Variants in SLC5A4 observed in about 807,000 individuals in gnomAD.
The protein encoded by SLC5A4 is probable glucose sensor protein SLC5A4.
SLC5A4 carries 55 observed loss-of-function variants against 70.3 expected under a neutral mutation model. The observed-to-expected ratio is 0.78, with a 90% CI of 0.63 to 0.98. The LOEUF (loss-of-function observed/expected upper bound fraction) is 0.98. SLC5A4 is among the 50% of genes least tolerant of loss of function. SLC5A4 has a pLI of 0.00. For synonymous variants in SLC5A4, 268 were observed against 305.7 expected, an observed-to-expected ratio of 0.88 and a Z score of 1.29; for missense variants, 735 against 839.2, an observed-to-expected ratio of 0.88 and a Z score of 1.53.
the SLC5A4 span, among the ~76,000 whole-genome samples, chr22:32,339,447 GCT>G: frequency 1.3e-5 from 2 of 152,192 alleles, no homozygotes; most frequent in Admixed American, 1.3e-4. Flanking sequence ...TCTGAACTCA[GCT>G]CTGATTCGAA....
chr22:32,300,076 T>C, the SLC5A4 span, among the ~76,000 whole-genome samples: 2 of 150,312 alleles, frequency 1.3e-5, no homozygotes, highest in Admixed American at 6.6e-5. Flanking sequence ...GACAGGGACA[T>C]TTAAGTCTGC....
At chr22:32,352,960 G>C in the SLC5A4 span, among the ~76,000 whole-genome samples, 1 of 152,242 alleles carries the variant, frequency 6.6e-6, no homozygotes, top group Non-Finnish European at 1.5e-5. Flanking sequence ...CCAGCCTCCA[G>C]CAGGCGGCTC....
chr22:32,290,236 C>T, the SLC5A4 span, among the ~76,000 whole-genome samples: 4 of 152,138 alleles, frequency 2.6e-5, no homozygotes, highest in South Asian at 2.1e-4. Context: ...TGTCCTAATG[C>T]TCTCCCTCCC....
At chr22:32,235,798 A>G (rs1391959376) in intron 7 of SLC5A4, among the ~76,000 whole-genome samples, 13 of 152,302 alleles carry the variant, frequency 8.5e-5, no homozygotes, top group Admixed American at 5.9e-4. Flanking sequence ...TCATCAGGGT[A>G]TTATACAATT....
the SLC5A4 span, among the ~76,000 whole-genome samples, chr22:32,278,565 T>A: frequency 6.6e-6 from 1 of 152,226 alleles, no homozygotes; most frequent in Non-Finnish European, 1.5e-5. Flanking sequence ...AAAATGGATC[T>A]TTAAGTTTTG....
chr22:32,268,080 C>T, the SLC5A4 span, among the ~76,000 whole-genome samples: 161 of 152,060 alleles, frequency 1.1e-3, no homozygotes, highest in Non-Finnish European at 1.7e-3. Context: ...GCCGAGATGG[C>T]GCCACTGCAC....
At chr22:32,220,526 T>C (rs1163938316) in intron 14 of SLC5A4, among the ~76,000 whole-genome samples, 2 of 152,166 alleles carry the variant, frequency 1.3e-5, no homozygotes, top group Non-Finnish European at 2.9e-5. Flanking sequence ...GCTTGGCGCA[T>C]GTGGAAAAGT....
At chr22:32,305,416 A>AT in the SLC5A4 span, among the ~76,000 whole-genome samples, 3 of 148,974 alleles carry the variant, frequency 2.0e-5, no homozygotes, top group African/African-American at 7.5e-5. Flanking sequence ...GATATATTTA[A>AT]CAAATTGTTG....
the SLC5A4 span, among the ~76,000 whole-genome samples, chr22:32,307,654 G>A: frequency 1.3e-4 from 20 of 152,290 alleles, no homozygotes; most frequent in East Asian, 3.7e-3. Flanking sequence ...TTGTTTGCAT[G>A]CACTGAAGCA....
chr22:32,271,353 C>T, the SLC5A4 span: 35 of 736,190 alleles, frequency 4.8e-5, no homozygotes, highest in Non-Finnish European at 8.3e-5. Context: ...GGAGGTGCTG[C>T]TGGTTGTGCT....
chr22:32,300,307 G>C, the SLC5A4 span, among the ~76,000 whole-genome samples: 67,674 of 145,430 alleles, frequency 0.47, 16,117 homozygotes, highest in Admixed American at 0.5. Context: ...TAGCAATCAG[G>C]GAGACTCCGT....
At chr22:32,242,757 A>G (rs1469056849) in intron 5 of SLC5A4, among the ~76,000 whole-genome samples, 1 of 152,230 alleles carries the variant, frequency 6.6e-6, no homozygotes, top group Non-Finnish European at 1.5e-5. Context: ...TGGTAAACCA[A>G]TGATAAATAG....
chr22:32,349,100 G>A, the SLC5A4 span, among the ~76,000 whole-genome samples: 13 of 152,052 alleles, frequency 8.5e-5, no homozygotes, highest in Non-Finnish European at 1.5e-4. Context: ...TCAGCCTCCC[G>A]AGTAGCTGGG....
At chr22:32,336,019 G>A in the SLC5A4 span, among the ~76,000 whole-genome samples, 1 of 152,150 alleles carries the variant, frequency 6.6e-6, no homozygotes, top group Admixed American at 6.5e-5. Flanking sequence ...AAGACCAGGG[G>A]TGAAATAGTG....
At chr22:32,230,476 G>A (rs932565099) in intron 10 of SLC5A4, among the ~76,000 whole-genome samples, 1 of 152,162 alleles carries the variant, frequency 6.6e-6, no homozygotes, top group Non-Finnish European at 1.5e-5. Flanking sequence ...TAGCACCAAA[G>A]CAGTGCCTGG....
chr22:32,339,388 AGGAGAG>A, the SLC5A4 span, among the ~76,000 whole-genome samples: 3 of 152,192 alleles, frequency 2.0e-5, no homozygotes, highest in Non-Finnish European at 4.4e-5. Context: ...ACTGAGACTC[AGGAGAG>A]CTACTGGCTT....
chr22:32,231,103 A>G (rs779016122), intron 9 of SLC5A4, 28 bp from the exon 10 acceptor site: 69 of 1,422,858 alleles, frequency 4.8e-5, no homozygotes, highest in Middle Eastern at 3.5e-4. Context: ...AGTGAGTCCA[A>G]TGAGGCCCAA....
intron 6 of SLC5A4, among the ~76,000 whole-genome samples, chr22:32,238,415 T>C (rs1177544655): frequency 6.6e-6 from 1 of 152,206 alleles, no homozygotes; most frequent in Non-Finnish European, 1.5e-5. Context: ...CTAGCTGGTA[T>C]TTTTCCTTAC....
At chr22:32,295,118 T>C in the SLC5A4 span, among the ~76,000 whole-genome samples, 2 of 107,816 alleles carry the variant, frequency 1.9e-5, no homozygotes, top group East Asian at 4.8e-4. Context: ...AATGCCACAA[T>C]AAACATACAT....
Sources: gnomAD v4.1 joint callset for allele counts (sites outside exome capture counted in the v4.1 genomes callset) on GRCh38, gnomAD v4.1.1 for gene constraint, MANE v1.5 for transcripts, NCBI Gene and HGNC (gene_info 2026-07-23, HGNC 2026-07-21) for gene names.